MAPKAP1: variants seen among roughly 807,000 people sequenced by gnomAD.
MAPKAP1 encodes the protein MAPK associated protein 1.
MAPKAP1 carries 20 observed loss-of-function variants against 65.7 expected under a neutral mutation model. The ratio of observed to expected loss-of-function variants is 0.30; its 90% CI spans 0.21 to 0.44. The LOEUF (loss-of-function observed/expected upper bound fraction) is 0.44, where lower values mean the gene tolerates loss of function less well. Among genes scored for constraint, MAPKAP1 ranks in the 20% least tolerant of loss-of-function variants. The pLI is 1.00. For missense variants in MAPKAP1, 423 were observed against 648.0 expected, an observed-to-expected ratio of 0.65 and a Z score of 3.77; for synonymous variants, 222 against 244.3, an observed-to-expected ratio of 0.91 and a Z score of 0.85.
rs1159654806 is a variant in MAPKAP1 at position 125,603,407 on chromosome 9, C to T, written c.499-17680G>A. Among the ~76,000 whole-genome samples, 4 of 33,684 alleles carry T rather than the reference C, an allele frequency of 1.2e-4. No homozygotes were observed. The East Asian group carries it at 0.22, about 1,871-fold the overall frequency. The allele number at this position is 33,684 out of a possible 152,430, so 22.1% of individuals were successfully genotyped here. On this transcript the variant is annotated intron_variant, in intron 4 of 11. Transcript: ENST00000265960. ...ACAATGTGGTCCTTGGAGAGATGGG[C>T]GAGCAAGCACATGACATCAACATGG...
chr9:125,457,051 C>T lies in MAPKAP1; in HGVS notation c.1345+10921G>A, dbSNP rs191204173. ...CTGTCCAGGCTGGAGTACAGTGGCG[C>T]GATCCTGGCTCACTGCAACCTCTGC... is the stretch of plus-strand genomic sequence containing the variant. On this transcript the variant is annotated intron_variant, in intron 10 of 11. Coordinates refer to ENST00000265960, the MANE Select transcript of MAPKAP1 (RefSeq NM_001006617.3). Among the ~76,000 whole-genome samples the T allele has an allele frequency of 5.9e-3, 888 of 150,438 alleles. 9 individuals are homozygous for T. The highest frequency in any genetic ancestry group is 0.02 in the African/African-American group (824 of 40,742).
At chr9:125,703,137 G>A (rs573480818) in intron 1 of MAPKAP1, among the ~76,000 whole-genome samples, 1 of 152,314 alleles carries the variant, frequency 6.6e-6, no homozygotes, top group African/African-American at 2.4e-5. Context: ...ACAAGCAAGT[G>A]GAGCTGAGCA....
chr9:125,667,625 C>T (rs919833899), intron 3 of MAPKAP1, among the ~76,000 whole-genome samples: 2 of 152,174 alleles, frequency 1.3e-5, no homozygotes, highest in Non-Finnish European at 1.5e-5. Flanking sequence ...GTTGGCCAGG[C>T]TGGCCTCAAA....
intron 1 of MAPKAP1, 71 bp from the exon 2 acceptor site, chr9:125,672,714 A>G (rs1834531046): frequency 2.1e-6 from 2 of 964,940 alleles, no homozygotes; most frequent in East Asian, 4.9e-5. Context: ...TTTCAGACAC[A>G]TTCAGTGTAG....
At chr9:125,565,091 TA>T (rs1831008340) in intron 5 of MAPKAP1, among the ~76,000 whole-genome samples, 1 of 152,196 alleles carries the variant, frequency 6.6e-6, no homozygotes, top group African/African-American at 2.4e-5. Flanking sequence ...GGGCAGAATA[TA>T]TATGATACAT....
At chr9:125,499,007 G>A (rs1828893831) in intron 8 of MAPKAP1, among the ~76,000 whole-genome samples, 1 of 152,270 alleles carries the variant, frequency 6.6e-6, no homozygotes, top group Middle Eastern at 3.4e-3. Context: ...CTTATTATGT[G>A]CTGTTCTACG....
chr9:125,489,709 C>T (rs149918652), intron 8 of MAPKAP1, among the ~76,000 whole-genome samples: 19 of 152,084 alleles, frequency 1.2e-4, no homozygotes, highest in East Asian at 1.2e-3. Context: ...GAAGAGGCCA[C>T]GGCAGGCAAA....
intron 5 of MAPKAP1, among the ~76,000 whole-genome samples, chr9:125,574,559 C>G (rs1161464901): frequency 6.6e-6 from 1 of 152,148 alleles, no homozygotes. Context: ...CTATCAAGAA[C>G]ATACTGAAGA....
In MAPKAP1 at chr9:125,660,994, G is replaced by T. The variant is rs1228433605; in HGVS notation, c.350-3195C>A. 2.0e-5 allele frequency among the ~76,000 whole-genome samples: 3 copies of T among 152,132 alleles called. No homozygotes were observed. In the South Asian group the frequency reaches 6.2e-4, roughly 32 times the overall value. ...AAATGATAAATTAGGAAAGAATAAAGGTCAATATTCCTAATATGTAAATAT... is the reference window on the plus strand; with the variant it reads ...AAATGATAAATTAGGAAAGAATAAATGTCAATATTCCTAATATGTAAATAT... On this transcript the variant is annotated intron_variant, in intron 3 of 11. Coordinates refer to ENST00000265960, the MANE Select transcript of MAPKAP1 (RefSeq NM_001006617.3).
chr9:125,444,814 C>G (rs1852641005), intron 10 of MAPKAP1, among the ~76,000 whole-genome samples: 1 of 152,172 alleles, frequency 6.6e-6, no homozygotes, highest in Non-Finnish European at 1.5e-5. Context: ...AGGTCCCATT[C>G]CACTCTGGAA....
chr9:125,650,340 A>T (rs1436903232), intron 4 of MAPKAP1: 2 of 152,364 alleles, frequency 1.3e-5, no homozygotes, highest in Non-Finnish European at 2.9e-5. Flanking sequence ...ATGAGGTTAA[A>T]GAGAACACCT....
intron 2 of MAPKAP1, among the ~76,000 whole-genome samples, chr9:125,670,158 GAAT>G (rs1319073026): frequency 2.4e-4 from 37 of 152,030 alleles, no homozygotes; most frequent in African/African-American, 8.9e-4. Flanking sequence ...ACATGGAAGA[GAAT>G]AATAAAATGT....
chr9:125,454,956 T>A (rs1001960061), intron 10 of MAPKAP1, among the ~76,000 whole-genome samples: 2 of 151,844 alleles, frequency 1.3e-5, no homozygotes, highest in East Asian at 1.9e-4. Context: ...GAGGCCAAGA[T>A]GAGAGAACTG....
intron 10 of MAPKAP1, among the ~76,000 whole-genome samples, chr9:125,455,404 C>G (rs551387236): frequency 9.2e-5 from 14 of 152,308 alleles, no homozygotes; most frequent in East Asian, 1.9e-4. Flanking sequence ...TACTCTCAGA[C>G]AAGCAAACTT....
At chr9:125,667,280 G>A (rs2131785727) in intron 3 of MAPKAP1, among the ~76,000 whole-genome samples, 1 of 152,288 alleles carries the variant, frequency 6.6e-6, no homozygotes, top group East Asian at 1.9e-4. Context: ...TTCTCACATT[G>A]TAAAAGGGAC....
intron 5 of MAPKAP1, among the ~76,000 whole-genome samples, chr9:125,581,188 G>T (rs1477793120): frequency 6.6e-6 from 1 of 152,244 alleles, no homozygotes; most frequent in Non-Finnish European, 1.5e-5. Context: ...TTATGTGAAT[G>T]TAAGTTTTCA....
chr9:125,514,814 G>A (rs921594020), intron 7 of MAPKAP1, among the ~76,000 whole-genome samples: 3 of 152,142 alleles, frequency 2.0e-5, no homozygotes, highest in African/African-American at 7.2e-5. Flanking sequence ...GGAGGATCGT[G>A]CCAAGCCTTG....
At position 125,595,323 on chromosome 9, in the gene MAPKAP1, G is replaced by C. The variant is rs954540738; in HGVS notation, c.499-9596C>G. Among the ~76,000 whole-genome samples the C allele has an allele frequency of 2.0e-5, 3 of 151,914 alleles. No individual in the cohort carries two copies. Among genetic ancestry groups the C allele is most frequent in the Non-Finnish European group, 4.4e-5 (3 of 67,976 alleles). ...CAATTAATAATTAGCTCATAAAATG[G>C]GTAAACTTAAAAATCTAAAATAACT... On this transcript the variant is annotated intron_variant, in intron 4 of 11. Coordinates refer to ENST00000265960, the MANE Select transcript of MAPKAP1 (RefSeq NM_001006617.3). The surrounding 1 kb of genome is among the most constrained non-coding windows in gnomAD (Gnocchi z 4.0).
At chr9:125,520,515 T>C (rs1829589042) in intron 7 of MAPKAP1, among the ~76,000 whole-genome samples, 1 of 152,216 alleles carries the variant, frequency 6.6e-6, no homozygotes, top group Non-Finnish European at 1.5e-5. Context: ...TCTACTTCAC[T>C]TCTTTACTCT....
Sources: gnomAD v4.1 joint callset for allele counts (sites outside exome capture counted in the v4.1 genomes callset) on GRCh38, gnomAD v4.1.1 for gene constraint, Gnocchi (gnomAD v3.1) non-coding constraint, MANE v1.5 for transcripts, NCBI Gene and HGNC (gene_info 2026-07-23, HGNC 2026-07-21) for gene names.